The following DCDC1 variants were observed in gnomAD, a reference collection of about 807,000 sequenced individuals.
DCDC1 encodes doublecortin domain-containing protein 1.
In DCDC1, 200 loss-of-function variants were observed where a neutral mutation model predicts 178.3. The ratio of observed to expected loss-of-function variants is 1.12; its 90% CI spans 1.00 to 1.26. The LOEUF is 1.26. Among genes scored for constraint, DCDC1 ranks in the 50% most tolerant of loss-of-function variants. DCDC1 has a pLI of 0.00. For missense variants in DCDC1, 1,983 were observed against 1,749.2 expected (o/e 1.13, Z -2.38); for synonymous variants, 690 against 604.8 (o/e 1.14, Z -2.07).
At position 30,899,635 on chromosome 11, in the gene DCDC1, C is replaced by T. The variant is rs1944509296; in HGVS notation, c.4671G>A (p.Gln1557=). 6.4e-7 allele frequency: 1 copy of T among 1,552,844 alleles called. No individual in the cohort carries two copies. Among genetic ancestry groups the T allele is most frequent in the African/African-American group, 1.4e-5 (1 of 73,130 alleles). Residue 1557 remains glutamine, a synonymous_variant, in exon 34 of 39, where the codon CAG becomes CAA. Coordinates refer to ENST00000684477, the MANE Select transcript of DCDC1 (RefSeq NM_001387274.1). ...TCTGTTTCTCTAATTTTTCTGCTTT[C>T]TGCAAAGCTAGAATAATAAAAATAC... ...GEPFLPPNAL[Q]KAEKLEKQNW...
chr11:31,130,770 A>G (rs1249868622), intron 10 of DCDC1, among the ~76,000 whole-genome samples: 1 of 152,140 alleles, frequency 6.6e-6, no homozygotes, highest in African/African-American at 2.4e-5. Flanking sequence ...CATAAGGAAG[A>G]CCCTCATGCC....
chr11:30,874,291 TGACCAGTGCTGG>T (rs1165894876), intron 38 of DCDC1, among the ~76,000 whole-genome samples: 2 of 152,190 alleles, frequency 1.3e-5, no homozygotes, highest in East Asian at 3.9e-4. Context: ...ATAGAGATTA[TGACCAGTGCTGG>T]GACCAAGCCT....
chr11:31,205,210 GT>G (rs1240088380), intron 9 of DCDC1, among the ~76,000 whole-genome samples: 1 of 152,100 alleles, frequency 6.6e-6, no homozygotes, highest in African/African-American at 2.4e-5. Flanking sequence ...TCTGTTGCCT[GT>G]TTGTATAAAT....
intron 3 of DCDC1, among the ~76,000 whole-genome samples, chr11:31,327,362 G>T (rs557971074): frequency 6.6e-6 from 1 of 152,144 alleles, no homozygotes; most frequent in South Asian, 2.1e-4. Context: ...TAGAGATGGG[G>T]TTTCACCATG....
At chr11:31,204,472 T>C (rs1971653381) in intron 9 of DCDC1, among the ~76,000 whole-genome samples, 1 of 151,518 alleles carries the variant, frequency 6.6e-6, no homozygotes, top group South Asian at 2.1e-4. Context: ...AGATAGGGAA[T>C]TCCAATATCA....
intron 20 of DCDC1, among the ~76,000 whole-genome samples, chr11:31,030,569 A>G (rs1249537306): frequency 6.6e-6 from 1 of 152,142 alleles, no homozygotes; most frequent in Non-Finnish European, 1.5e-5. Flanking sequence ...GCCACTGAGC[A>G]TGGTACACGC....
intron 20 of DCDC1, among the ~76,000 whole-genome samples, chr11:31,040,129 TA>T (rs898197053): frequency 4.0e-4 from 59 of 148,864 alleles, no homozygotes; most frequent in Middle Eastern, 7.0e-3. Context: ...TGGTCAAAAC[TA>T]AAAAAAAATT....
intron 9 of DCDC1, among the ~76,000 whole-genome samples, chr11:31,143,071 T>C (rs2136039782): frequency 6.6e-6 from 1 of 152,118 alleles, no homozygotes; most frequent in South Asian, 2.1e-4. Flanking sequence ...TGCAATATGG[T>C]TAAGGAGACA....
chr11:31,032,884 A>T (rs1953753178), intron 20 of DCDC1, among the ~76,000 whole-genome samples: 1 of 152,136 alleles, frequency 6.6e-6, no homozygotes, highest in African/African-American at 2.4e-5. Flanking sequence ...CTCTTTTTAG[A>T]TCCAACATAA....
intron 20 of DCDC1, among the ~76,000 whole-genome samples, chr11:31,025,690 A>G (rs1204222511): frequency 6.6e-6 from 1 of 151,866 alleles, no homozygotes; most frequent in Admixed American, 6.6e-5. Context: ...GCTTAAGATA[A>G]TTGGAATAGG....
chr11:30,866,652 G>C (rs1941001832), intron 38 of DCDC1, among the ~76,000 whole-genome samples: 1 of 152,102 alleles, frequency 6.6e-6, no homozygotes. Flanking sequence ...CCCTCAGAAG[G>C]AATCAGTGCT....
intron 9 of DCDC1, among the ~76,000 whole-genome samples, chr11:31,154,814 G>A (rs1035624369): frequency 2.0e-5 from 3 of 152,278 alleles, no homozygotes; most frequent in African/African-American, 7.2e-5. Flanking sequence ...CCCTGGCACT[G>A]GATTTCATTA....
intron 20 of DCDC1, among the ~76,000 whole-genome samples, chr11:31,001,102 T>C (rs1398308774): frequency 6.6e-6 from 1 of 152,184 alleles, no homozygotes; most frequent in Non-Finnish European, 1.5e-5. Flanking sequence ...TTGGCATTAG[T>C]TGGAATTCCA....
chr11:30,903,397 A>T, intron 32 of DCDC1, 85 bp downstream of exon 32: 1 of 1,270,172 alleles, frequency 7.9e-7, no homozygotes, highest in Non-Finnish European at 1.0e-6. Flanking sequence ...ATTCTGAAAA[A>T]ACTGACTAAA....
intron 22 of DCDC1, among the ~76,000 whole-genome samples, chr11:30,929,465 A>G (rs1304150424): frequency 6.6e-6 from 1 of 152,024 alleles, no homozygotes; most frequent in African/African-American, 2.4e-5. Flanking sequence ...TTCTCAAAAG[A>G]CTTTTATTAT....
chr11:31,141,879 C>T (rs755323986), intron 9 of DCDC1, among the ~76,000 whole-genome samples: 16 of 152,178 alleles, frequency 1.1e-4, no homozygotes, highest in Non-Finnish European at 1.6e-4. Flanking sequence ...TTTCTAACCA[C>T]GAAATCAATC....
At chr11:31,226,904 C>A (rs1018340725) in intron 9 of DCDC1, among the ~76,000 whole-genome samples, 1 of 151,738 alleles carries the variant, frequency 6.6e-6, no homozygotes, top group Non-Finnish European at 1.5e-5. Context: ...TATAGGAATA[C>A]AAGATTTTCT....
At chr11:30,968,546 G>A (rs1949575532) in intron 20 of DCDC1, among the ~76,000 whole-genome samples, 1 of 150,694 alleles carries the variant, frequency 6.6e-6, no homozygotes, top group Non-Finnish European at 1.5e-5. Context: ...ACTAGTTATT[G>A]CTATTGCATT....
intron 9 of DCDC1, among the ~76,000 whole-genome samples, chr11:31,233,976 G>A (rs1463348096): frequency 1.3e-5 from 2 of 152,176 alleles, no homozygotes; most frequent in Non-Finnish European, 2.9e-5. Context: ...AAGGGATAGT[G>A]TATTGTGCTG....
Sources: gnomAD v4.1 joint callset for allele counts (sites outside exome capture counted in the v4.1 genomes callset) on GRCh38, gnomAD v4.1.1 for gene constraint, MANE v1.5 for transcripts, NCBI Gene and HGNC (gene_info 2026-07-23, HGNC 2026-07-21) for gene names.